The following MGAT4C variants were observed in gnomAD, a reference collection of about 807,000 sequenced individuals.
MGAT4C encodes MGAT4 family member C.
A neutral mutation model predicts 40.1 loss-of-function variants in MGAT4C; 19 were observed. The observed-to-expected ratio is 0.47, with a 90% CI of 0.33 to 0.70. The LOEUF is 0.70. Among genes scored for constraint, MGAT4C ranks in the 30% least tolerant of loss-of-function variants. MGAT4C has a pLI of 0.02. For synonymous variants in MGAT4C, 181 were observed against 187.1 expected, an observed-to-expected ratio of 0.97 and a Z score of 0.27; for missense variants, 491 against 563.2, an observed-to-expected ratio of 0.87 and a Z score of 1.30.
At chr12:86,535,640 C>A (rs1959055818) in intron 2 of MGAT4C, among the ~76,000 whole-genome samples, 1 of 152,050 alleles carries the variant, frequency 6.6e-6, no homozygotes, top group African/African-American at 2.4e-5. Context: ...TGAGAAACCT[C>A]CTTCAACAGG....
intron 1 of MGAT4C, among the ~76,000 whole-genome samples, chr12:86,206,696 C>G: frequency 6.6e-6 from 1 of 152,116 alleles, no homozygotes; most frequent in East Asian, 1.9e-4. Flanking sequence ...CCCTCTTTCT[C>G]CTTTACCACA....
chr12:86,438,754 T>C lies in MGAT4C; in HGVS notation c.-228-3489A>G, dbSNP rs1024768651. ...ACACCTAACCATGTAAGGATTCCTA[T>C]AGACTCAAGCTAAAGGGATAGAAAA... On this transcript the variant is annotated intron_variant, in intron 2 of 7. Coordinates refer to the MGAT4C transcript ENST00000548651. Among the ~76,000 whole-genome samples the C allele has an allele frequency of 2.6e-5, 4 of 151,908 alleles. No homozygotes were observed. The East Asian group carries it at 7.8e-4, about 30-fold the overall frequency.
intron 2 of MGAT4C, among the ~76,000 whole-genome samples, chr12:86,528,298 T>C (rs980728031): frequency 3.3e-5 from 5 of 152,092 alleles, no homozygotes; most frequent in African/African-American, 1.2e-4. Flanking sequence ...AAAATAACCA[T>C]TAATTTAAAA....
intron 2 of MGAT4C, among the ~76,000 whole-genome samples, chr12:86,047,199 G>T (rs1892484461): frequency 6.6e-6 from 1 of 152,136 alleles, no homozygotes; most frequent in East Asian, 1.9e-4. Context: ...CATAGCAGTT[G>T]TTTATAAAGA....
intron 3 of MGAT4C, 52 bp from the exon 4 acceptor site, chr12:85,983,722 GA>G (rs1884891766): frequency 7.2e-7 from 1 of 1,383,348 alleles, no homozygotes; most frequent in South Asian, 1.5e-5. Flanking sequence ...GATGGTCATG[GA>G]TTAAATAAAG....
rs553021815 is a variant in MGAT4C at position 86,352,890 on chromosome 12, G to A, written c.-119-18763C>T. Among the ~76,000 whole-genome samples, 10 of 151,698 alleles carry A rather than the reference G, an allele frequency of 6.6e-5. No individual in the cohort carries two copies. In the East Asian group the frequency reaches 1.7e-3, roughly 26 times the overall value. ...TGTTGGGTGGGGGAAGGGGGGAGGG[G>A]TAGCATTAGGAGATATACCTAATGT... On this transcript the variant is annotated intron_variant, in intron 3 of 7. Transcript: ENST00000548651.
At chr12:86,151,876 T>G (rs576996503) in intron 1 of MGAT4C, among the ~76,000 whole-genome samples, 1 of 152,382 alleles carries the variant, frequency 6.6e-6, no homozygotes, top group Admixed American at 6.5e-5. Flanking sequence ...AAGGCTATTC[T>G]ATAACCTTGT....
intron 1 of MGAT4C, among the ~76,000 whole-genome samples, chr12:86,835,735 G>T (rs548724458): frequency 5.3e-5 from 8 of 151,820 alleles, no homozygotes; most frequent in Non-Finnish European, 2.9e-5. Flanking sequence ...TTATCTATGC[G>T]TAAGTATCCA....
intron 2 of MGAT4C, among the ~76,000 whole-genome samples, chr12:86,643,125 G>A (rs1036366182): frequency 2.6e-5 from 4 of 151,602 alleles, no homozygotes; most frequent in African/African-American, 9.7e-5. Context: ...GAGGGCAAGA[G>A]AGCTCGAGAA....
rs2136660569 is a variant in MGAT4C at position 85,972,258 on chromosome 12, A to G, written c.*7031T>C. The G allele has an allele frequency of 6.6e-6, 1 of 151,288 alleles. No homozygotes were observed. The highest frequency in any genetic ancestry group is 2.1e-4 in the South Asian group (1 of 4,826). 9.4% of individuals were successfully genotyped at this position (151,288 alleles called of 1,614,324 possible). On this transcript the variant is annotated 3_prime_UTR_variant, in exon 5 of 5. Transcript: ENST00000611864. ...GTTTTAGAGCTTAAGAAATGTTAAG[A>G]AGAGAAGTTACAACTGCATTAATAG...
At chr12:86,457,847 C>T (rs529654850) in intron 2 of MGAT4C, among the ~76,000 whole-genome samples, 1 of 152,014 alleles carries the variant, frequency 6.6e-6, no homozygotes, top group East Asian at 1.9e-4. Flanking sequence ...AATAAAATCA[C>T]AAGTTTTTTT....
chr12:86,501,824 T>C (rs574199581), intron 2 of MGAT4C, among the ~76,000 whole-genome samples: 3 of 152,112 alleles, frequency 2.0e-5, no homozygotes, highest in African/African-American at 7.2e-5. Context: ...TGTATCGTTA[T>C]AACAGAATGA....
intron 2 of MGAT4C, among the ~76,000 whole-genome samples, chr12:85,990,826 A>G (rs1885825694): frequency 6.6e-6 from 1 of 152,198 alleles, no homozygotes; most frequent in South Asian, 2.1e-4. Flanking sequence ...ATGTGTATAA[A>G]TATGCACACA....
chr12:86,148,943 C>T (rs1220570539), intron 1 of MGAT4C, among the ~76,000 whole-genome samples: 1 of 152,030 alleles, frequency 6.6e-6, no homozygotes, highest in Non-Finnish European at 1.5e-5. Context: ...GCTGTGCCCC[C>T]CTATTCATTT....
At chr12:86,788,300 T>G (rs890002776) in intron 1 of MGAT4C, among the ~76,000 whole-genome samples, 3 of 143,690 alleles carry the variant, frequency 2.1e-5, no homozygotes. Context: ...ATTATTAGGT[T>G]TTTTTTTTTT....
chr12:86,430,635 G>A (rs913003043), intron 3 of MGAT4C, among the ~76,000 whole-genome samples: 6 of 152,158 alleles, frequency 3.9e-5, no homozygotes, highest in Admixed American at 3.9e-4. Context: ...GTCACAAGAT[G>A]TGTACTCTGG....
intron 1 of MGAT4C, among the ~76,000 whole-genome samples, chr12:86,139,808 C>T (rs1279500425): frequency 6.6e-6 from 1 of 152,122 alleles, no homozygotes; most frequent in Non-Finnish European, 1.5e-5. Flanking sequence ...TTTGTATCAA[C>T]TTTATATTCA....
intron 2 of MGAT4C, among the ~76,000 whole-genome samples, chr12:86,635,617 A>T (rs1320875369): frequency 6.6e-6 from 1 of 151,804 alleles, no homozygotes; most frequent in East Asian, 1.9e-4. Flanking sequence ...GTTCCATAAG[A>T]TTATAATACC....
intron 1 of MGAT4C, among the ~76,000 whole-genome samples, chr12:86,812,972 G>C (rs1952506049): frequency 6.6e-6 from 1 of 152,098 alleles, no homozygotes; most frequent in Non-Finnish European, 1.5e-5. Context: ...AATTAGCCTA[G>C]ATAGGATGCC....
Sources: allele counts gnomAD v4.1 joint callset (sites outside exome capture counted in the v4.1 genomes callset), GRCh38; gene constraint gnomAD v4.1.1; transcripts MANE v1.5; gene names NCBI Gene and HGNC (gene_info 2026-07-23, HGNC 2026-07-21).